MARK1: variants seen among roughly 807,000 people sequenced by gnomAD.
MARK1 encodes microtubule affinity regulating kinase 1.
Under a neutral mutation model 96.3 loss-of-function variants are expected in MARK1, and 40 were observed. The ratio of observed to expected loss-of-function variants is 0.42; its 90% confidence interval spans 0.32 to 0.54. MARK1 has a LOEUF of 0.54. Among genes scored for constraint, MARK1 ranks in the 20% least tolerant of loss-of-function variants. The pLI is 0.16. For synonymous variants in MARK1, 317 were observed against 341.2 expected (o/e 0.93, Z 0.78); for missense variants, 719 against 984.6 (o/e 0.73, Z 3.61).
At chr1:220,606,387 T>C (rs969170546) in intron 6 of MARK1, among the ~76,000 whole-genome samples, 2 of 152,196 alleles carry the variant, frequency 1.3e-5, no homozygotes, top group African/African-American at 2.4e-5. Context: ...TTTTTTCTTG[T>C]AAATTTCTGT....
intron 9 of MARK1, chr1:220,626,296 T>A (rs938165124): frequency 1.8e-6 from 1 of 541,052 alleles, no homozygotes; most frequent in African/African-American, 1.9e-5. Context: ...AGAGGCCTTC[T>A]ATACCACAGA....
At chr1:220,562,892 A>AT (rs574092500) in intron 1 of MARK1, among the ~76,000 whole-genome samples, 2 of 151,704 alleles carry the variant, frequency 1.3e-5, no homozygotes, top group African/African-American at 2.4e-5. Flanking sequence ...ACTTTGTGGA[A>AT]TTTTTTTTTC....
intron 3 of MARK1, among the ~76,000 whole-genome samples, chr1:220,586,532 CGTT>C (rs1318522529): frequency 6.6e-6 from 1 of 152,078 alleles, no homozygotes; most frequent in Non-Finnish European, 1.5e-5. Context: ...TTTTGGTAGT[CGTT>C]TGTTGATTTG....
At chr1:220,639,494 T>G (rs924750136) in intron 13 of MARK1, among the ~76,000 whole-genome samples, 4 of 152,182 alleles carry the variant, frequency 2.6e-5, no homozygotes, top group Non-Finnish European at 4.4e-5. Flanking sequence ...TTTCTTTTGG[T>G]GAAGTGTTCA....
intron 1 of MARK1, among the ~76,000 whole-genome samples, chr1:220,578,317 A>G (rs1046422761): frequency 2.6e-5 from 4 of 152,256 alleles, no homozygotes; most frequent in African/African-American, 9.6e-5. Context: ...ACAGCTAGTG[A>G]AACAGAGCTG....
chr1:220,551,545 A>G (rs1661853198), intron 1 of MARK1, among the ~76,000 whole-genome samples: 2 of 152,332 alleles, frequency 1.3e-5, no homozygotes, highest in Non-Finnish European at 2.9e-5. Flanking sequence ...TCTTTAGCCT[A>G]ACATGATACA....
At chr1:220,597,865 C>T (rs1410883679) in intron 3 of MARK1, among the ~76,000 whole-genome samples, 1 of 152,036 alleles carries the variant, frequency 6.6e-6, no homozygotes, top group Non-Finnish European at 1.5e-5. Flanking sequence ...ACAAATCTAC[C>T]TAAAAACCTT....
intron 1 of MARK1, among the ~76,000 whole-genome samples, chr1:220,577,690 A>C (rs2102831078): frequency 6.6e-6 from 1 of 152,314 alleles, no homozygotes; most frequent in South Asian, 2.1e-4. Context: ...GCTTTATTGA[A>C]TCCTTCCTGT....
intron 13 of MARK1, among the ~76,000 whole-genome samples, chr1:220,649,322 G>A (rs943514151): frequency 1.1e-4 from 17 of 151,972 alleles, no homozygotes; most frequent in African/African-American, 4.1e-4. Context: ...AAGTTCTTGG[G>A]CTCAGGTAAT....
At chr1:220,581,202 T>G in intron 3 of MARK1, 84 bp downstream of exon 3, 1 of 442,390 alleles carries the variant, frequency 2.3e-6, no homozygotes, top group Non-Finnish European at 4.0e-6. Flanking sequence ...TTCTAAATTT[T>G]CTATTAGGTA....
At chr1:220,625,966 C>T (rs1184721954) in intron 9 of MARK1, 25 of 550,372 alleles carry the variant, frequency 4.5e-5, no homozygotes, top group African/African-American at 7.6e-5. Context: ...TAAATTCTTG[C>T]GCTCCATCTC....
At chr1:220,593,268 A>G (rs939384556) in intron 3 of MARK1, among the ~76,000 whole-genome samples, 8 of 152,170 alleles carry the variant, frequency 5.3e-5, no homozygotes, top group African/African-American at 1.4e-4. Context: ...TCAATTTTTA[A>G]AATTACCTCA....
At chr1:220,631,961 A>G (rs2103006930) in intron 10 of MARK1, among the ~76,000 whole-genome samples, 1 of 152,338 alleles carries the variant, frequency 6.6e-6, no homozygotes, top group South Asian at 2.1e-4. Context: ...ATGAGAAATT[A>G]AGTGGGCCCA....
In MARK1 at chr1:220,618,353, C is replaced by T; in HGVS notation, c.596C>T (p.Ala199Val). 6.2e-7 allele frequency: 1 copy of T among 1,613,900 alleles called. No homozygotes were observed. Among genetic ancestry groups the T allele is most frequent in the Non-Finnish European group, 8.5e-7 (1 of 1,179,860 alleles). ...GATGGTGATATGAATATTAAAATTG[C>T]TGACTTTGGTTTTAGTAATGAATTT... The part of the protein sequence containing the change: ...LLDGDMNIKI[A>V]DFGFSNEFTV... Residue 199 changes from alanine (A) to valine (V), a missense_variant, in exon 8 of 18, where the codon GCT becomes GTT. Ala to Val is a moderately conservative substitution (Grantham distance 64). Transcript: ENST00000366917. The surrounding 1 kb of genome is among the most constrained non-coding windows in gnomAD (Gnocchi z 4.6).
chr1:220,554,087 A>G (rs1258426131), intron 1 of MARK1, among the ~76,000 whole-genome samples: 2 of 152,190 alleles, frequency 1.3e-5, no homozygotes, highest in African/African-American at 4.8e-5. Flanking sequence ...TTGTCCTAAG[A>G]GAACTATCTC....
intron 1 of MARK1, among the ~76,000 whole-genome samples, chr1:220,566,027 T>G (rs550999768): frequency 1.3e-5 from 2 of 152,238 alleles, no homozygotes; most frequent in Non-Finnish European, 2.9e-5. Flanking sequence ...TGACATTTAC[T>G]AGCTGTGTGA....
chr1:220,563,846 G>A (rs1662854941), intron 1 of MARK1, among the ~76,000 whole-genome samples: 1 of 152,114 alleles, frequency 6.6e-6, no homozygotes. Flanking sequence ...AGGAATGAAT[G>A]AATAATCAAA....
intron 1 of MARK1, among the ~76,000 whole-genome samples, chr1:220,569,448 A>T (rs1002857013): frequency 4.6e-5 from 7 of 151,970 alleles, no homozygotes; most frequent in Non-Finnish European, 7.4e-5. Flanking sequence ...GCCATTTCCC[A>T]TGCTGAGACT....
intron 1 of MARK1, among the ~76,000 whole-genome samples, chr1:220,553,453 C>A (rs955005036): frequency 6.6e-6 from 1 of 152,158 alleles, no homozygotes; most frequent in African/African-American, 2.4e-5. Context: ...CCCCATGAGG[C>A]CATACTTGTT....
Sources: gnomAD v4.1 joint callset for allele counts (sites outside exome capture counted in the v4.1 genomes callset) on GRCh38, gnomAD v4.1.1 for gene constraint, Gnocchi (gnomAD v3.1) non-coding constraint, MANE v1.5 for transcripts, NCBI Gene and HGNC (gene_info 2026-07-23, HGNC 2026-07-21) for gene names.